The following B9D1 variants were observed in gnomAD, a reference collection of about 807,000 sequenced individuals.
B9D1 encodes the protein B9 domain-containing protein 1.
A neutral mutation model predicts 26.1 loss-of-function variants in B9D1; 20 were observed. The observed-to-expected ratio is 0.77, with a 90% CI of 0.54 to 1.12. The LOEUF (loss-of-function observed/expected upper bound fraction) is 1.12, where lower values mean the gene tolerates loss of function less well. Ranked by LOEUF, B9D1 falls within the 50% of genes most tolerant of loss-of-function variation. The probability of loss-of-function intolerance (pLI) is 0.00; values close to 1 mark genes in which losing one functional copy is unlikely to be tolerated. For synonymous variants in B9D1, 105 were observed against 103.1 expected, an observed-to-expected ratio of 1.02 and a Z score of -0.11; for missense variants, 260 against 273.7, an observed-to-expected ratio of 0.95 and a Z score of 0.35.
At chr17:19,362,811 GTA>G (rs559109629), upstream of B9D1, 1,888 of 1,203,704 alleles carry the variant, frequency 1.6e-3, 10 homozygotes, top group Middle Eastern at 6.9e-3. Flanking sequence ...CTTAGGGCAG[GTA>G]TGACCGAGAG....
At chr17:19,364,850 G>A (rs1034759110), upstream of B9D1, among the ~76,000 whole-genome samples, 4 of 152,238 alleles carry the variant, frequency 2.6e-5, no homozygotes, top group Non-Finnish European at 5.9e-5. The surrounding 1 kb of genome is among the most constrained non-coding windows in gnomAD (Gnocchi z 4.3). Flanking sequence ...TTGGGCAGGC[G>A]GGGCTGTCAG....
chr17:19,373,396 C>A (rs2152285182), intron 1 of B9D1, among the ~76,000 whole-genome samples: 1 of 145,196 alleles, frequency 6.9e-6, no homozygotes, highest in South Asian at 2.2e-4. Context: ...CTTTTTTTTA[C>A]TTTTTTTTTT....
chr17:19,338,513 G>C (rs1439250551), downstream of B9D1, among the ~76,000 whole-genome samples: 1 of 152,234 alleles, frequency 6.6e-6, no homozygotes, highest in Non-Finnish European at 1.5e-5. Context: ...TTTGGTCAGA[G>C]TGTTACTTTG....
intron 5 of B9D1, among the ~76,000 whole-genome samples, chr17:19,345,403 C>T (rs112899104): frequency 2.8e-4 from 43 of 152,306 alleles, no homozygotes; most frequent in Middle Eastern, 3.4e-3. Flanking sequence ...GGCTGAATGA[C>T]GGCCCCTCAA....
rs1911937749 is a variant in B9D1, at chr17:19,372,401, C to G, written c.-298+5458G>C. 6.6e-6 allele frequency among the ~76,000 whole-genome samples: 1 copy of G among 152,180 alleles called. No individual in the cohort carries two copies. Among genetic ancestry groups the G allele is most frequent in the African/African-American group, 2.4e-5 (1 of 41,448 alleles). On this transcript the variant is annotated intron_variant, in intron 1 of 5. Transcript: ENST00000477478. The surrounding 1 kb of genome is among the most constrained non-coding windows in gnomAD (Gnocchi z 4.4). ...TTCTCGTCTCCATGTCTCTGTGACC[C>G]CCTCCCTCCTGCCACTTCCCTCTGG...
chr17:19,356,931 C>T (rs985281566), intron 3 of B9D1, among the ~76,000 whole-genome samples: 11 of 152,202 alleles, frequency 7.2e-5, no homozygotes, highest in Admixed American at 1.3e-4. Context: ...AAACTTCCTA[C>T]TCATGGATGA....
In B9D1 at chr17:19,359,438, C is replaced by T. The variant is rs574672847; in HGVS notation, c.132+882G>A. ...GCTGTTTCTGCCTGGACAGTTCTCA[C>T]GGGTTTCCACATGGCTTGTTCCCTC... On this transcript the variant is annotated intron_variant, in intron 2 of 6. Transcript: ENST00000261499. This position sits in a 1 kb window ranked among gnomAD's most constrained non-coding sequence, Gnocchi z 5.0. 2.6e-5 allele frequency among the ~76,000 whole-genome samples: 4 copies of T among 152,204 alleles called. No individual in the cohort carries two copies. Among genetic ancestry groups the T allele is most frequent in the Non-Finnish European group, 4.4e-5 (3 of 68,040 alleles).
chr17:19,369,832 G>T (rs185461598), intron 1 of B9D1, among the ~76,000 whole-genome samples: 2 of 152,256 alleles, frequency 1.3e-5, no homozygotes, highest in East Asian at 3.9e-4. Context: ...ATTGCTTCTG[G>T]AAGACTCGCT....
upstream of B9D1, among the ~76,000 whole-genome samples, chr17:19,365,634 A>G (rs1911550534): frequency 6.6e-6 from 1 of 152,070 alleles, no homozygotes. The surrounding 1 kb of genome is among the most constrained non-coding windows in gnomAD (Gnocchi z 5.0). Flanking sequence ...TCTACCATGC[A>G]TCTCTTTCCA....
chr17:19,351,325 C>T (rs1452909561), intron 3 of B9D1, among the ~76,000 whole-genome samples: 1 of 152,168 alleles, frequency 6.6e-6, no homozygotes, highest in Non-Finnish European at 1.5e-5. Context: ...AACCCTACTT[C>T]TCATGATGTA....
intron 5 of B9D1, chr17:19,346,798 T>C: frequency 1.2e-6 from 1 of 811,422 alleles, no homozygotes. Context: ...CTCCTCAGCC[T>C]GGCAGGCACT....
At chr17:19,356,904 T>C (rs927360486) in intron 3 of B9D1, among the ~76,000 whole-genome samples, 1 of 152,200 alleles carries the variant, frequency 6.6e-6, no homozygotes, top group African/African-American at 2.4e-5. Context: ...TATTGCACTG[T>C]TCCAGGAAGT....
At position 19,360,370 on chromosome 17, in the gene B9D1, G is replaced by C. The variant is rs777003828; in HGVS notation, c.82C>G (p.Leu28Val). Reference protein sequence around the residue: ...ESAQFPEYDDLYCKYCFVYGQ... With the variant: ...ESAQFPEYDDVYCKYCFVYGQ... The stretch of plus-strand genomic sequence containing the variant: ...TACACAAAGCAGTACTTGCAGTAGA[G>C]GTCATCATACTCTGGAAACTGAAAA... Residue 28 changes from leucine (L) to valine (V), a missense_variant, in exon 2 of 7, where the codon CTC becomes GTC. Physicochemically the swap from Leu to Val is conservative, Grantham distance 32. Transcript: ENST00000261499. 1.9e-6 allele frequency: 3 copies of C among 1,613,920 alleles called. No individual in the cohort carries two copies. The highest frequency in any genetic ancestry group is 2.5e-6 in the Non-Finnish European group (3 of 1,180,012).
downstream of B9D1, among the ~76,000 whole-genome samples, chr17:19,340,555 G>GGATC (rs528922737): frequency 1.2e-4 from 18 of 151,102 alleles, no homozygotes; most frequent in East Asian, 3.2e-3. Flanking sequence ...TGGTGCAGGC[G>GGATC]GATCACCTGC....
At chr17:19,339,200 C>T (rs1907700586), downstream of B9D1, among the ~76,000 whole-genome samples, 1 of 152,170 alleles carries the variant, frequency 6.6e-6, no homozygotes, top group African/African-American at 2.4e-5. Flanking sequence ...AAGTCTTTTG[C>T]AACCTTTTGA....
At chr17:19,338,011 G>C (rs570936393), downstream of B9D1, among the ~76,000 whole-genome samples, 1 of 152,318 alleles carries the variant, frequency 6.6e-6, no homozygotes, top group Non-Finnish European at 1.5e-5. Flanking sequence ...CTCAAACATA[G>C]ACAGTAAGGT....
intron 3 of B9D1, among the ~76,000 whole-genome samples, chr17:19,353,812 T>C (rs1909986642): frequency 6.6e-6 from 1 of 151,484 alleles, no homozygotes; most frequent in African/African-American, 2.4e-5. Flanking sequence ...TGGTGGTACA[T>C]GCCTGTAATC....
At chr17:19,357,718 C>T (rs560721743) in intron 3 of B9D1, 122 bp downstream of exon 3, 1 of 779,600 alleles carries the variant, frequency 1.3e-6, no homozygotes, top group African/African-American at 1.7e-5. Flanking sequence ...TTGAGGGCTG[C>T]TTCAAGAGCC....
intron 1 of B9D1, among the ~76,000 whole-genome samples, chr17:19,369,957 C>T (rs1054434971): frequency 3.3e-5 from 5 of 152,184 alleles, no homozygotes; most frequent in Non-Finnish European, 7.3e-5. Context: ...GGACCACACC[C>T]GCCCCTCCGT....
Sources: allele counts gnomAD v4.1 joint callset (sites outside exome capture counted in the v4.1 genomes callset), GRCh38; gene constraint gnomAD v4.1.1; non-coding constraint Gnocchi (gnomAD v3.1); transcripts MANE v1.5; gene names NCBI Gene and HGNC (gene_info 2026-07-23, HGNC 2026-07-21).